The following PDK1 variants were observed in gnomAD, a reference collection of about 807,000 sequenced individuals.
The protein encoded by PDK1 is [Pyruvate dehydrogenase (acetyl-transferring)] kinase isozyme 1, mitochondrial.
A neutral mutation model predicts 54.2 loss-of-function variants in PDK1; 39 were observed. That is an observed-to-expected ratio of 0.72 (90% CI 0.56 to 0.94). The LOEUF (loss-of-function observed/expected upper bound fraction) is 0.94, where lower values mean the gene tolerates loss of function less well. Ranked by LOEUF, PDK1 falls within the 40% of genes least tolerant of loss-of-function variation. PDK1 has a pLI of 0.00. For synonymous variants in PDK1, 221 were observed against 207.1 expected, an observed-to-expected ratio of 1.07 and a Z score of -0.58; for missense variants, 552 against 566.0, an observed-to-expected ratio of 0.98 and a Z score of 0.25.
chr2:172,637,270 A>C, the PDK1 span, among the ~76,000 whole-genome samples: 2 of 152,184 alleles, frequency 1.3e-5, no homozygotes, highest in Non-Finnish European at 2.9e-5. Flanking sequence ...TCTGTTCTGG[A>C]ACACATTTTC....
At chr2:172,639,411 G>A in the PDK1 span, among the ~76,000 whole-genome samples, 7 of 152,196 alleles carry the variant, frequency 4.6e-5, no homozygotes, top group East Asian at 1.2e-3. Context: ...ATTTTTCTAG[G>A]TTCCCATGTG....
At chr2:172,640,894 G>C in the PDK1 span, among the ~76,000 whole-genome samples, 130 of 151,896 alleles carry the variant, frequency 8.6e-4, no homozygotes, top group Non-Finnish European at 8.0e-4. Flanking sequence ...AGGGGAAGCT[G>C]TCCCTCCCTC....
chr2:172,649,421 C>T, the PDK1 span, among the ~76,000 whole-genome samples: 1 of 152,280 alleles, frequency 6.6e-6, no homozygotes, highest in Admixed American at 6.5e-5. Context: ...ATCAGAGTGC[C>T]TCTTCTCCTC....
chr2:172,595,515 T>A (rs1193559458), intron 10 of PDK1, among the ~76,000 whole-genome samples: 6 of 152,324 alleles, frequency 3.9e-5, no homozygotes, highest in African/African-American at 1.4e-4. Context: ...TTAACCAACT[T>A]CTTCAGTTAG....
At chr2:172,581,922 G>GT (rs1012350379) in intron 8 of PDK1, among the ~76,000 whole-genome samples, 16 of 151,990 alleles carry the variant, frequency 1.1e-4, no homozygotes, top group Admixed American at 8.5e-4. Context: ...GTGTGTGTGT[G>GT]TTTTTTTATA....
At chr2:172,627,139 A>G in the PDK1 span, among the ~76,000 whole-genome samples, 1 of 152,348 alleles carries the variant, frequency 6.6e-6, no homozygotes, top group Admixed American at 6.5e-5. Context: ...TGAATGATGC[A>G]CACGGCTGAG....
At chr2:172,642,055 T>A in the PDK1 span, among the ~76,000 whole-genome samples, 1 of 152,146 alleles carries the variant, frequency 6.6e-6, no homozygotes, top group East Asian at 1.9e-4. Context: ...ATGTTTGAGT[T>A]TGAGTGGTTT....
chr2:172,674,652 A>G, the PDK1 span: 1 of 152,250 alleles, frequency 6.6e-6, no homozygotes, highest in African/African-American at 2.4e-5. Flanking sequence ...CCCGATGAAG[A>G]TTTTCTCTCT....
At chr2:172,694,264 C>T in the PDK1 span, among the ~76,000 whole-genome samples, 1 of 152,188 alleles carries the variant, frequency 6.6e-6, no homozygotes, top group South Asian at 2.1e-4. Flanking sequence ...ATGCAATGTC[C>T]ATGTGGTTAC....
intron 9 of PDK1, among the ~76,000 whole-genome samples, chr2:172,587,429 G>A (rs1475526442): frequency 6.6e-6 from 1 of 151,614 alleles, no homozygotes; most frequent in Non-Finnish European, 1.5e-5. Flanking sequence ...GCAGACCTTT[G>A]TGGTGAGTGT....
the PDK1 span, among the ~76,000 whole-genome samples, chr2:172,684,413 C>T: frequency 3.7e-4 from 56 of 152,054 alleles, 1 homozygote; most frequent in East Asian, 0.011. Flanking sequence ...CAGAGTGAGA[C>T]CCCATCTCAA....
the PDK1 span, among the ~76,000 whole-genome samples, chr2:172,645,200 G>A: frequency 6.9e-6 from 1 of 145,428 alleles, no homozygotes; most frequent in Admixed American, 7.0e-5. Flanking sequence ...TACCAGCACT[G>A]CACTGATGAC....
chr2:172,593,426 C>T (rs1021094557), intron 10 of PDK1, among the ~76,000 whole-genome samples: 3 of 151,880 alleles, frequency 2.0e-5, no homozygotes, highest in Non-Finnish European at 4.4e-5. Context: ...GTCACATTGT[C>T]TTTTTTGCAA....
chr2:172,622,524 CAT>C, the PDK1 span, among the ~76,000 whole-genome samples: 13 of 137,132 alleles, frequency 9.5e-5, no homozygotes, highest in Admixed American at 2.3e-4. Flanking sequence ...ATGTTTATAT[CAT>C]ATATTATGTG....
chr2:172,715,232 T>A, the PDK1 span, among the ~76,000 whole-genome samples: 1 of 152,168 alleles, frequency 6.6e-6, no homozygotes, highest in African/African-American at 2.4e-5. Flanking sequence ...GCAGGATTCC[T>A]GATGGGTGAG....
chr2:172,709,209 G>A, the PDK1 span, among the ~76,000 whole-genome samples: 1 of 152,126 alleles, frequency 6.6e-6, no homozygotes, highest in East Asian at 1.9e-4. Flanking sequence ...CTTTTCTCCT[G>A]GAGTCCTAGC....
chr2:172,666,950 T>C, the PDK1 span, among the ~76,000 whole-genome samples: 2 of 152,196 alleles, frequency 1.3e-5, no homozygotes, highest in African/African-American at 4.8e-5. Flanking sequence ...GAAAGTTTTG[T>C]TGTGAAGAAA....
the PDK1 span, among the ~76,000 whole-genome samples, chr2:172,708,019 C>A: frequency 6.6e-6 from 1 of 152,026 alleles, no homozygotes; most frequent in African/African-American, 2.4e-5. Flanking sequence ...AGAAAAATGA[C>A]CAGCCAGGCG....
At chr2:172,654,570 T>C in the PDK1 span, among the ~76,000 whole-genome samples, 1 of 124,786 alleles carries the variant, frequency 8.0e-6, no homozygotes, top group African/African-American at 3.2e-5. Context: ...TGAGAACACT[T>C]GGACACAGGG....
Sources: gnomAD v4.1 joint callset for allele counts (sites outside exome capture counted in the v4.1 genomes callset) on GRCh38, gnomAD v4.1.1 for gene constraint, MANE v1.5 for transcripts, NCBI Gene and HGNC (gene_info 2026-07-23, HGNC 2026-07-21) for gene names.